Variants in ZFHX3 observed in about 807,000 individuals in gnomAD.
ZFHX3 encodes zinc finger homeobox protein 3.
Under a neutral mutation model 279.1 loss-of-function variants are expected in ZFHX3, and 42 were observed. The ratio of observed to expected loss-of-function variants is 0.15; its 90% CI spans 0.12 to 0.19. ZFHX3 has a LOEUF of 0.19. Among genes scored for constraint, ZFHX3 ranks in the 10% least tolerant of loss-of-function variants. The pLI is 1.00. For missense variants in ZFHX3, 4,981 were observed against 4,754.0 expected, an observed-to-expected ratio of 1.05 and a Z score of -1.40; for synonymous variants, 2,293 against 1,957.8, an observed-to-expected ratio of 1.17 and a Z score of -4.52.
At chr16:73,152,859 C>T (rs970309422) in intron 5 of ZFHX3, among the ~76,000 whole-genome samples, 1 of 151,392 alleles carries the variant, frequency 6.6e-6, no homozygotes. Context: ...GAAGAGAGGG[C>T]CAGCTGAGCC....
At chr16:72,916,337 T>C (rs1029461103) in intron 3 of ZFHX3, among the ~76,000 whole-genome samples, 21 of 152,226 alleles carry the variant, frequency 1.4e-4, no homozygotes, top group Admixed American at 3.9e-4. Context: ...AATTATACTA[T>C]GGTAAGAGGT....
intron 2 of ZFHX3, among the ~76,000 whole-genome samples, chr16:73,475,755 ATT>A (rs2018754986): frequency 1.3e-5 from 2 of 152,252 alleles, no homozygotes; most frequent in African/African-American, 4.8e-5. Flanking sequence ...GCTAGAGTAT[ATT>A]CCAATTTTCT....
chr16:73,702,098 G>A (rs1390333773), intron 1 of ZFHX3, among the ~76,000 whole-genome samples: 1 of 152,072 alleles, frequency 6.6e-6, no homozygotes, highest in Non-Finnish European at 1.5e-5. Flanking sequence ...GTGCAGTGTT[G>A]CCGTGAGCAG....
At chr16:73,552,476 T>G (rs928290483) in intron 2 of ZFHX3, among the ~76,000 whole-genome samples, 1 of 152,188 alleles carries the variant, frequency 6.6e-6, no homozygotes, top group Non-Finnish European at 1.5e-5. Context: ...TCAAAAGGTG[T>G]AAGACATAGA....
At chr16:72,952,043 G>C (rs1486674457) in intron 2 of ZFHX3, among the ~76,000 whole-genome samples, 1 of 152,154 alleles carries the variant, frequency 6.6e-6, no homozygotes, top group Non-Finnish European at 1.5e-5. Flanking sequence ...CTGAGCTTAG[G>C]AGCTCAAGAC....
chr16:73,704,519 A>G (rs2053285119), intron 1 of ZFHX3, among the ~76,000 whole-genome samples: 3 of 152,310 alleles, frequency 2.0e-5, no homozygotes, highest in Admixed American at 1.3e-4. Flanking sequence ...AGACAGCCGC[A>G]CTGTACTGCA....
intron 1 of ZFHX3, among the ~76,000 whole-genome samples, chr16:73,747,941 A>C (rs574320374): frequency 6.6e-6 from 1 of 152,316 alleles, no homozygotes; most frequent in East Asian, 1.9e-4. Flanking sequence ...CCTCGCACAT[A>C]AACTGTCAAT....
chr16:72,811,870 C>A, intron 6 of ZFHX3, 35 bp downstream of exon 6: 1 of 1,593,854 alleles, frequency 6.3e-7, no homozygotes, highest in South Asian at 1.1e-5. Context: ...TAAAACACCT[C>A]ACCTCCCCAC....
At chr16:73,528,321 T>A (rs1417140348) in intron 2 of ZFHX3, among the ~76,000 whole-genome samples, 2 of 152,256 alleles carry the variant, frequency 1.3e-5, no homozygotes, top group Non-Finnish European at 2.9e-5. Flanking sequence ...CCTTGATGGA[T>A]ATCAATAGCA....
chr16:73,836,800 T>G (rs1440817134), intron 1 of ZFHX3, among the ~76,000 whole-genome samples: 1 of 152,212 alleles, frequency 6.6e-6, no homozygotes, highest in African/African-American at 2.4e-5. Flanking sequence ...AGATGATTAG[T>G]TCGTTAAGCT....
At chr16:73,006,487 G>A (rs1156998660) in intron 1 of ZFHX3, among the ~76,000 whole-genome samples, 1 of 152,130 alleles carries the variant, frequency 6.6e-6, no homozygotes, top group African/African-American at 2.4e-5. Flanking sequence ...GCCCAGCATG[G>A]TGGTGTGTGC....
chr16:73,479,887 G>A (rs944203037), intron 2 of ZFHX3, among the ~76,000 whole-genome samples: 1 of 152,146 alleles, frequency 6.6e-6, no homozygotes, highest in Non-Finnish European at 1.5e-5. Flanking sequence ...GAGGGTGAGA[G>A]GACATGCCTA....
intron 1 of ZFHX3, among the ~76,000 whole-genome samples, chr16:73,877,092 G>C (rs1231695993): frequency 6.8e-6 from 1 of 147,114 alleles, no homozygotes; most frequent in Admixed American, 6.9e-5. Flanking sequence ...CAGGGTGAAT[G>C]TAAAAATTGT....
Position 72,788,691 on chromosome 16 carries a change from G to A in ZFHX3, c.9585C>T (p.Pro3195=), listed in dbSNP as rs756101124. 2 of 1,612,794 alleles carry A rather than the reference G, an allele frequency of 1.2e-6. No individual in the cohort carries two copies. Among genetic ancestry groups the A allele is most frequent in the Non-Finnish European group, 1.7e-6 (2 of 1,179,472 alleles). ...GCTGCTGCTGCTGCTGCTGCTGGGG[G>A]GGTTGCTGAGGGCCCATCGCCATCG... ...QATMAMGPQQ[P]PQQQQQQQQP... The change falls in exon 10 of 10, where the codon CCC becomes CCT. Residue 3195 remains proline, a synonymous_variant. Coordinates refer to ENST00000268489, the MANE Select transcript of ZFHX3 (RefSeq NM_006885.4).
chr16:73,778,965 G>A (rs574106208), intron 1 of ZFHX3, among the ~76,000 whole-genome samples: 1 of 152,328 alleles, frequency 6.6e-6, no homozygotes, highest in African/African-American at 2.4e-5. Context: ...AGTAGAAAAT[G>A]AGAAAAGCTA....
At chr16:73,056,502 T>C (rs1478726264) in intron 1 of ZFHX3, among the ~76,000 whole-genome samples, 1 of 151,986 alleles carries the variant, frequency 6.6e-6, no homozygotes, top group Non-Finnish European at 1.5e-5. Context: ...ACCCACAGGA[T>C]GTCTACACTT....
intron 1 of ZFHX3, among the ~76,000 whole-genome samples, chr16:73,025,180 T>C (rs1964453530): frequency 6.6e-6 from 1 of 152,094 alleles, no homozygotes; most frequent in South Asian, 2.1e-4. Flanking sequence ...GAAGAAAATG[T>C]CATGTCAGCT....
chr16:73,299,866 A>C (rs2015011095), intron 4 of ZFHX3, among the ~76,000 whole-genome samples: 1 of 152,226 alleles, frequency 6.6e-6, no homozygotes, highest in African/African-American at 2.4e-5. Flanking sequence ...GACAATTACC[A>C]AAAACAATTA....
intron 3 of ZFHX3, among the ~76,000 whole-genome samples, chr16:72,925,949 C>T (rs1046842974): frequency 2.0e-5 from 3 of 152,108 alleles, no homozygotes; most frequent in Non-Finnish European, 2.9e-5. Context: ...TATTTGTGCA[C>T]GAAAGCATGT....
Sources: gnomAD v4.1 joint callset for allele counts (sites outside exome capture counted in the v4.1 genomes callset) on GRCh38, gnomAD v4.1.1 for gene constraint, MANE v1.5 for transcripts, NCBI Gene and HGNC (gene_info 2026-07-23, HGNC 2026-07-21) for gene names.